Variants in SLC6A19 observed in about 807,000 individuals in gnomAD.
SLC6A19 encodes the protein solute carrier family 6 member 19, also known as sodium-dependent neutral amino acid transporter B(0)AT1.
In SLC6A19, 67 loss-of-function variants were observed where a neutral mutation model predicts 68.3. The ratio of observed to expected loss-of-function variants is 0.98; its 90% CI spans 0.81 to 1.20. SLC6A19 has a LOEUF of 1.20. Ranked by LOEUF, SLC6A19 falls within the 50% of genes most tolerant of loss-of-function variation. The pLI is 0.00. For missense variants in SLC6A19, 813 were observed against 851.6 expected (o/e 0.95, Z 0.56); for synonymous variants, 392 against 374.9 (o/e 1.05, Z -0.53).
chr5:1,211,219 G>A (rs554478751), intron 3 of SLC6A19, among the ~76,000 whole-genome samples: 2 of 152,348 alleles, frequency 1.3e-5, no homozygotes, highest in East Asian at 3.9e-4. Context: ...GTTGGAATAA[G>A]ACAGGTCCTC....
At chr5:1,208,601 A>G in intron 1 of SLC6A19, 145 bp from the exon 2 acceptor site, 1 of 1,076,376 alleles carries the variant, frequency 9.3e-7, no homozygotes, top group Non-Finnish European at 1.4e-6. Flanking sequence ...GATCCCATGG[A>G]CTGGCTGCTC....
At chr5:1,221,064 T>C in intron 10 of SLC6A19, 87 bp from the exon 11 acceptor site, 2 of 1,533,834 alleles carry the variant, frequency 1.3e-6, no homozygotes, top group Non-Finnish European at 1.8e-6. Context: ...CAGCACACCA[T>C]CTGTTCGGGT....
intron 10 of SLC6A19, 68 bp from the exon 11 acceptor site, chr5:1,221,083 G>T (rs751076126): frequency 3.8e-6 from 6 of 1,572,510 alleles, no homozygotes; most frequent in Admixed American, 1.8e-5. Context: ...GTAGCAGAAC[G>T]TACAGAAAGC....
In SLC6A19 at chr5:1,213,528, G is replaced by A. The variant is rs747947334; in HGVS notation, c.729G>A (p.Thr243=). Residue 243 remains threonine, a synonymous_variant, in exon 5 of 12, where the codon ACG becomes ACA. Transcript: ENST00000304460. ...VLTIFLIRGL[T]LKGATNGIVF... ...CCATCTTCCTCATCCGAGGCCTGAC[G>A]CTGAAGGGCGCCACCAATGGCATCG... is the stretch of plus-strand genomic sequence containing the variant. 1.4e-5 allele frequency: 23 copies of A among 1,610,372 alleles called. No individual in the cohort carries two copies. Among genetic ancestry groups the A allele is most frequent in the Non-Finnish European group, 2.0e-5 (23 of 1,179,284 alleles).
At chr5:1,203,588 GGTCACCTGCTAGACTCTGAGGGCCACT>G (rs1745774246) in intron 1 of SLC6A19, among the ~76,000 whole-genome samples, 1 of 152,088 alleles carries the variant, frequency 6.6e-6, no homozygotes, top group Non-Finnish European at 1.5e-5. Context: ...TGGGCCACCA[GGTCACCTGCTAGACTCTGAGGGCCACT>G]GTCACCTGGG....
At chr5:1,211,802 T>G (rs1298067170) in intron 3 of SLC6A19, among the ~76,000 whole-genome samples, 1 of 151,626 alleles carries the variant, frequency 6.6e-6, no homozygotes, top group African/African-American at 2.4e-5. Context: ...TGTGTGCCTG[T>G]GTGCATGTGT....
Position 1,209,185 on chromosome 5 carries a change from G to A in SLC6A19, c.343+299G>A, listed in dbSNP as rs1022386139. Among the ~76,000 whole-genome samples the A allele has an allele frequency of 9.2e-5, 14 of 151,866 alleles. No homozygotes were observed. The highest frequency in any genetic ancestry group is 5.8e-4 in the East Asian group (3 of 5,176). On this transcript the variant is annotated intron_variant, in intron 2 of 11. Transcript: ENST00000304460. The surrounding 1 kb of genome is among the most constrained non-coding windows in gnomAD (Gnocchi z 5.5). ...TGACCACTCAAGCCCTGCCCATGGCGGCGCTCAGCGAGAGCCCAGGGCCCA... is the reference window on the plus strand; with the variant it reads ...TGACCACTCAAGCCCTGCCCATGGCAGCGCTCAGCGAGAGCCCAGGGCCCA...
chr5:1,219,010 G>A lies in SLC6A19; in HGVS notation c.1281G>A (p.Leu427=), dbSNP rs1013237455. 10 of 1,613,966 alleles carry A rather than the reference G, an allele frequency of 6.2e-6. No individual in the cohort carries two copies. Among genetic ancestry groups the A allele is most frequent in the Non-Finnish European group, 8.5e-6 (10 of 1,180,030 alleles). The change falls in exon 9 of 12, where the codon CTG becomes CTA. Residue 427 remains leucine (L), a synonymous_variant. Transcript: ENST00000304460. ...SVLFFIMLFC[L]GLSSMFGNME... ...TCTTCTTCATTATGCTCTTCTGCCT[G>A]GGGCTGTCATCTATGTTTGGGAACA... is the stretch of plus-strand genomic sequence containing the variant.
chr5:1,205,133 C>T (rs894687655), intron 1 of SLC6A19, among the ~76,000 whole-genome samples: 9 of 152,212 alleles, frequency 5.9e-5, no homozygotes, highest in African/African-American at 1.9e-4. Flanking sequence ...GCAGAGAGGC[C>T]TGGTTTCCAG....
At chr5:1,218,777 A>T (rs1047579894) in intron 8 of SLC6A19, 126 bp from the exon 9 acceptor site, 15 of 898,014 alleles carry the variant, frequency 1.7e-5, no homozygotes, top group Non-Finnish European at 2.6e-5. Context: ...AGATCTAGCT[A>T]TTTCATGACA....
intron 8 of SLC6A19, among the ~76,000 whole-genome samples, chr5:1,217,292 AAG>A (rs1005845475): frequency 6.6e-6 from 1 of 152,232 alleles, no homozygotes; most frequent in Non-Finnish European, 1.5e-5. Flanking sequence ...TCGACATTGA[AAG>A]AGTTTTTGTA....
At position 1,212,299 on chromosome 5, in the gene SLC6A19, C is replaced by T. The variant is rs1256998039; in HGVS notation, c.482-4C>T. 4 of 1,613,262 alleles carry T rather than the reference C, an allele frequency of 2.5e-6. No individual in the cohort carries two copies. Among genetic ancestry groups the T allele is most frequent in the Non-Finnish European group, 8.5e-7 (1 of 1,179,914 alleles). ...CTGAGGTGTGTGAATGGCCCTCTCC[C>T]CAGGGTATGTGGACGAGTGCGCCAG... is the stretch of plus-strand genomic sequence containing the variant. On this transcript the variant is annotated splice_region_variant and splice_polypyrimidine_tract_variant and intron_variant, in intron 3 of 11. Coordinates refer to ENST00000304460, the MANE Select transcript of SLC6A19 (RefSeq NM_001003841.3). The surrounding 1 kb of genome is among the most constrained non-coding windows in gnomAD (Gnocchi z 5.1).
At chr5:1,218,510 C>T (rs766927490) in intron 8 of SLC6A19, among the ~76,000 whole-genome samples, 3 of 152,198 alleles carry the variant, frequency 2.0e-5, no homozygotes, top group East Asian at 1.9e-4. Flanking sequence ...TGCTCTAACC[C>T]GGCCGTTGGC....
In SLC6A19 at chr5:1,216,823, C is replaced by G. The variant is rs374559483; in HGVS notation, c.1051C>G (p.Pro351Ala). 6.2e-7 allele frequency: 1 copy of G among 1,613,718 alleles called. No individual in the cohort carries two copies. The highest frequency in any genetic ancestry group is 1.7e-5 in the Admixed American group (1 of 60,018). ...GACCCTCATCAACGGGTTCGACCTG[C>G]CTGAAGGCAACGTGACCCAGGAGAA... Reference protein sequence around the residue: ...ILTLINGFDLPEGNVTQENFV... With the variant: ...ILTLINGFDLAEGNVTQENFV... Residue 351 changes from proline (P) to alanine (A), a missense_variant, in exon 8 of 12, where the codon CCT (proline) becomes GCT (alanine). Pro to Ala is a conservative substitution (Grantham distance 27). Coordinates refer to ENST00000304460, the MANE Select transcript of SLC6A19 (RefSeq NM_001003841.3).
intron 1 of SLC6A19, among the ~76,000 whole-genome samples, chr5:1,205,786 T>A (rs761058848): frequency 2.0e-5 from 3 of 152,040 alleles, no homozygotes; most frequent in Non-Finnish European, 2.9e-5. Flanking sequence ...GAGGAGTGAA[T>A]CTTTTCTTAT....
In SLC6A19 at chr5:1,201,725, G is replaced by A. The variant is rs1339047233; in HGVS notation, c.75G>A (p.Glu25=). The A allele has an allele frequency of 6.2e-7, 1 of 1,612,372 alleles. No homozygotes were observed. Among genetic ancestry groups the A allele is most frequent in the African/African-American group, 1.3e-5 (1 of 74,924 alleles). Residue 25 remains glutamate, a synonymous_variant, in exon 1 of 12, where the codon GAG becomes GAA. Coordinates refer to ENST00000304460, the MANE Select transcript of SLC6A19 (RefSeq NM_001003841.3). ...CCCTGGCTGAGCTGGAGACCATCGA[G>A]CAGGAGGAGGCCAGCTCCCGGCCGA... ...IPSLAELETI[E]QEEASSRPKW...
chr5:1,203,424 G>A (rs138104641), intron 1 of SLC6A19, among the ~76,000 whole-genome samples: 17 of 152,256 alleles, frequency 1.1e-4, no homozygotes, highest in Non-Finnish European at 1.9e-4. Flanking sequence ...AGCGGGCAGC[G>A]GGCAGCGGGT....
Position 1,223,328 on chromosome 5 carries a change from C to G in SLC6A19, c.*1424C>G, listed in dbSNP as rs1280139051. On this transcript the variant is annotated 3_prime_UTR_variant, in exon 12 of 12. Coordinates refer to ENST00000304460, the MANE Select transcript of SLC6A19 (RefSeq NM_001003841.3). The stretch of plus-strand genomic sequence containing the variant: ...ATGAGCTGTGTGAATTTTTAGCCAG[C>G]CTTTGGAAAAGATGGGTTACAGGGT... 1 of 152,260 alleles carries G rather than the reference C, an allele frequency of 6.6e-6. No individual in the cohort carries two copies. The highest frequency in any genetic ancestry group is 2.4e-5 in the African/African-American group (1 of 41,462). 9.4% of individuals were successfully genotyped at this position (152,260 alleles called of 1,614,324 possible). A position where few individuals can be genotyped will look rare whatever the true frequency, so the allele number is the denominator to read the frequency against.
chr5:1,222,369 C>A lies in SLC6A19; in HGVS notation c.*465C>A. The A allele has an allele frequency of 4.3e-6, 2 of 464,150 alleles. No individual in the cohort carries two copies. Among genetic ancestry groups the A allele is most frequent in the Non-Finnish European group, 7.5e-6 (2 of 265,360 alleles). The allele number at this position is 464,150 out of a possible 1,614,324, so 28.8% of individuals were successfully genotyped here. A position where few individuals can be genotyped will look rare whatever the true frequency, so the allele number is the denominator to read the frequency against. ...ATACATGCATGCACATGTGCTCGTA[C>A]AATGGGTGTCCACATGCACGTGTAT... On this transcript the variant is annotated 3_prime_UTR_variant, in exon 12 of 12. Transcript: ENST00000304460.
Sources: gnomAD v4.1 joint callset for allele counts (sites outside exome capture counted in the v4.1 genomes callset) on GRCh38, gnomAD v4.1.1 for gene constraint, Gnocchi (gnomAD v3.1) non-coding constraint, MANE v1.5 for transcripts, NCBI Gene and HGNC (gene_info 2026-07-23, HGNC 2026-07-21) for gene names.